DRD2: variants seen among roughly 807,000 people sequenced by gnomAD.
The protein encoded by DRD2 is dopamine receptor D2.
In DRD2, 8 loss-of-function variants were observed where a neutral mutation model predicts 38.0. The observed-to-expected ratio is 0.21, with a 90% CI of 0.12 to 0.38. The LOEUF is 0.38. Ranked by LOEUF, DRD2 falls within the 10% of genes least tolerant of loss-of-function variation. The probability of loss-of-function intolerance (pLI) is 1.00; values close to 1 mark genes in which losing one functional copy is unlikely to be tolerated. For missense variants in DRD2, 403 were observed against 607.7 expected (o/e 0.66, Z 3.54); for synonymous variants, 230 against 238.6 (o/e 0.96, Z 0.33).
At chr11:113,437,693 T>C (rs1951051697) in intron 1 of DRD2, among the ~76,000 whole-genome samples, 1 of 152,104 alleles carries the variant, frequency 6.6e-6, no homozygotes, top group South Asian at 2.1e-4. Context: ...CGAGTCTGGG[T>C]GGAGCCGAGG....
chr11:113,430,343 A>G (rs531675196), intron 1 of DRD2, among the ~76,000 whole-genome samples: 2 of 152,310 alleles, frequency 1.3e-5, no homozygotes, highest in African/African-American at 4.8e-5. Context: ...ACAAAATCGA[A>G]TGAAGATGCA....
At chr11:113,436,308 A>C (rs1951035916) in intron 1 of DRD2, among the ~76,000 whole-genome samples, 1 of 152,192 alleles carries the variant, frequency 6.6e-6, no homozygotes, top group Non-Finnish European at 1.5e-5. Flanking sequence ...TCTTCCAAAA[A>C]TAAATTGCAA....
At chr11:113,435,327 GT>G (rs1349419545) in intron 1 of DRD2, among the ~76,000 whole-genome samples, 4 of 21,244 alleles carry the variant, frequency 1.9e-4, no homozygotes, top group Non-Finnish European at 5.3e-4. Flanking sequence ...GAGTGACTCA[GT>G]GTGGGGGGGG....
chr11:113,445,747 A>G (rs576861198), intron 1 of DRD2, among the ~76,000 whole-genome samples: 4 of 152,338 alleles, frequency 2.6e-5, no homozygotes, highest in African/African-American at 7.2e-5. Flanking sequence ...ACTGTGTTCC[A>G]GGCATAGCAA....
chr11:113,448,586 G>A (rs1250261489), intron 1 of DRD2, among the ~76,000 whole-genome samples: 2 of 152,250 alleles, frequency 1.3e-5, no homozygotes, highest in East Asian at 3.8e-4. Flanking sequence ...CCCCAGCCAT[G>A]AGAGAGGAAC....
chr11:113,436,677 G>A (rs569103473), intron 1 of DRD2, among the ~76,000 whole-genome samples: 24 of 152,038 alleles, frequency 1.6e-4, no homozygotes, highest in Non-Finnish European at 2.4e-4. Context: ...GTTAAAGGTG[G>A]GTGATAGATA....
rs1020422830 is a variant in DRD2, at chr11:113,410,432, C to A, written c.*295G>T. The stretch of plus-strand genomic sequence containing the variant: ...GGAAGGTCAAGGAAGGCGGCTGCAT[C>A]TTTGGTGCCAAGGATAGGGGGACTG... On this transcript the variant is annotated 3_prime_UTR_variant, in exon 8 of 8. Transcript: ENST00000362072. 1.1e-5 allele frequency: 6 copies of A among 529,692 alleles called. No individual in the cohort carries two copies. The highest frequency in any genetic ancestry group is 2.1e-5 in the Non-Finnish European group (6 of 290,520). The allele number at this position is 529,692 out of a possible 1,614,324, so 32.8% of individuals were successfully genotyped here. A position where few individuals can be genotyped will look rare whatever the true frequency, so the allele number is the denominator to read the frequency against.
chr11:113,461,037 G>T (rs891733848), intron 1 of DRD2, among the ~76,000 whole-genome samples: 2 of 152,258 alleles, frequency 1.3e-5, no homozygotes, highest in Admixed American at 6.5e-5. Flanking sequence ...TATGGACCGG[G>T]TCATCAGAGA....
intron 4 of DRD2, 81 bp downstream of exon 4, chr11:113,416,782 G>T: frequency 6.4e-7 from 1 of 1,566,032 alleles, no homozygotes; most frequent in East Asian, 2.4e-5. Flanking sequence ...TCTGTGCCAG[G>T]GACTCTGCTC....
At chr11:113,462,987 A>G (rs1435754087) in intron 1 of DRD2, among the ~76,000 whole-genome samples, 2 of 151,850 alleles carry the variant, frequency 1.3e-5, no homozygotes, top group Non-Finnish European at 2.9e-5. Context: ...GGTTAGTATT[A>G]TTAAAGACAA....
rs139659784 is a variant in DRD2, at chr11:113,474,596, G to A, written c.-32+480C>T. On this transcript the variant is annotated intron_variant, in intron 1 of 7. Transcript: ENST00000362072. ...GCTTCTGCCTTAGAAACTGAAAAGGGTCAGGTCGCACCAACACAGAGTTGC... is the reference window on the plus strand; with the variant it reads ...GCTTCTGCCTTAGAAACTGAAAAGGATCAGGTCGCACCAACACAGAGTTGC... 1.0e-3 allele frequency among the ~76,000 whole-genome samples: 154 copies of A among 152,274 alleles called. 1 individual carries two copies. In the East Asian group the frequency reaches 0.026, roughly 25 times the overall value.
rs144711394 is a variant in DRD2 at position 113,429,541 on chromosome 11, G to A, written c.-31-4859C>T. Among the ~76,000 whole-genome samples the A allele has an allele frequency of 2.9e-3, 445 of 152,162 alleles. 2 individuals carry two copies. The highest frequency in any genetic ancestry group is 9.7e-3 in the Admixed American group (148 of 15,284). ...ATTACAGGCGTGAGCCACCGCACCC[G>A]GCCAGTACAGGGCTATCTTTTAACA... is the stretch of plus-strand genomic sequence containing the variant. On this transcript the variant is annotated intron_variant, in intron 1 of 7. Transcript: ENST00000362072.
At chr11:113,467,202 C>G (rs905812782) in intron 1 of DRD2, among the ~76,000 whole-genome samples, 1 of 152,150 alleles carries the variant, frequency 6.6e-6, no homozygotes, top group African/African-American at 2.4e-5. Context: ...AGGAAGATGA[C>G]CCAGGAACAG....
chr11:113,433,551 G>T (rs1292589183), intron 1 of DRD2, among the ~76,000 whole-genome samples: 1 of 152,160 alleles, frequency 6.6e-6, no homozygotes, highest in East Asian at 1.9e-4. Flanking sequence ...CCCCCGGCAT[G>T]GGGAGCCTCC....
At chr11:113,423,112 A>T (rs1446694422) in intron 2 of DRD2, among the ~76,000 whole-genome samples, 2 of 152,144 alleles carry the variant, frequency 1.3e-5, no homozygotes, top group Non-Finnish European at 2.9e-5. Context: ...GTGCCCACCG[A>T]TGATCCCTAA....
At chr11:113,434,793 C>A (rs1389123069) in intron 1 of DRD2, among the ~76,000 whole-genome samples, 1 of 152,164 alleles carries the variant, frequency 6.6e-6, no homozygotes, top group Non-Finnish European at 1.5e-5. Context: ...CCCATCAGCA[C>A]CAGCCAGAGA....
At position 113,410,611 on chromosome 11, in the gene DRD2, G is replaced by A. The variant is rs967694649; in HGVS notation, c.*116C>T. On this transcript the variant is annotated 3_prime_UTR_variant, in exon 8 of 8. Coordinates refer to ENST00000362072, the MANE Select transcript of DRD2 (RefSeq NM_000795.4). ...CCAAGCGAACACTGCAGGGCCTGCC[G>A]GGGTGAAGAGGAGGCCGATCCACCC... 28 of 1,296,686 alleles carry A rather than the reference G, an allele frequency of 2.2e-5. No individual in the cohort carries two copies. The African/African-American group carries it at 2.2e-4, about 10-fold the overall frequency. The allele number at this position is 1,296,686 out of a possible 1,614,324, so 80.3% of individuals were successfully genotyped here. A position where few individuals can be genotyped will look rare whatever the true frequency, so the allele number is the denominator to read the frequency against.
intron 1 of DRD2, among the ~76,000 whole-genome samples, chr11:113,451,293 C>T (rs1951207602): frequency 6.6e-6 from 1 of 152,090 alleles, no homozygotes; most frequent in African/African-American, 2.4e-5. Flanking sequence ...GGGCCTAAAC[C>T]TATGAGATAG....
intron 2 of DRD2, among the ~76,000 whole-genome samples, chr11:113,419,109 G>A (rs1476971294): frequency 3.3e-5 from 5 of 152,224 alleles, no homozygotes; most frequent in Admixed American, 6.5e-5. Flanking sequence ...CCCAAGGCCT[G>A]TGGGCTCAGT....
Sources: gnomAD v4.1 joint callset for allele counts (sites outside exome capture counted in the v4.1 genomes callset) on GRCh38, gnomAD v4.1.1 for gene constraint, MANE v1.5 for transcripts, NCBI Gene and HGNC (gene_info 2026-07-23, HGNC 2026-07-21) for gene names.